The following PDS5B variants were observed in gnomAD, a reference collection of about 807,000 sequenced individuals.
PDS5B encodes PDS5 cohesin associated factor B.
Under a neutral mutation model 184.1 loss-of-function variants are expected in PDS5B, and 51 were observed. That is an observed-to-expected ratio of 0.28 (90% CI 0.22 to 0.35). The LOEUF (loss-of-function observed/expected upper bound fraction) is 0.35, where lower values mean the gene tolerates loss of function less well. PDS5B is among the 10% of genes least tolerant of loss of function. PDS5B has a pLI of 1.00. For synonymous variants in PDS5B, 566 were observed against 569.2 expected, an observed-to-expected ratio of 0.99 and a Z score of 0.08; for missense variants, 1,180 against 1,723.3, an observed-to-expected ratio of 0.68 and a Z score of 5.58.
chr13:32,772,955 A>G (rs528803274), intron 33 of PDS5B, among the ~76,000 whole-genome samples: 11 of 152,288 alleles, frequency 7.2e-5, no homozygotes, highest in African/African-American at 2.6e-4. Context: ...AGCAGACTTT[A>G]GGTTATGGTA....
chr13:32,708,162 C>G (rs1219527755), intron 18 of PDS5B, among the ~76,000 whole-genome samples: 2 of 152,166 alleles, frequency 1.3e-5, no homozygotes, highest in Admixed American at 1.3e-4. Flanking sequence ...ACTCTCTGCA[C>G]CCTACCTATG....
rs888602875 is a variant in PDS5B at position 32,720,638 on chromosome 13, T to A, written c.2123+10532T>A. The stretch of plus-strand genomic sequence containing the variant: ...TTATTTATTTATTTATTTTATTATT[T>A]TTTTTTAAAATTTTTTTAGTATTTA... On this transcript the variant is annotated intron_variant, in intron 19 of 34. Transcript: ENST00000315596. 1.3e-5 allele frequency among the ~76,000 whole-genome samples: 2 copies of A among 151,638 alleles called. 1 individual carries two copies. Among genetic ancestry groups the A allele is most frequent in the Non-Finnish European group, 2.9e-5 (2 of 67,914 alleles).
intron 1 of PDS5B, among the ~76,000 whole-genome samples, chr13:32,627,538 AAT>A (rs1362554451): frequency 2.0e-5 from 3 of 152,202 alleles, no homozygotes; most frequent in Non-Finnish European, 4.4e-5. Flanking sequence ...GTTGAAAAGA[AAT>A]ATCTTTTTTC....
At chr13:32,697,629 C>A (rs1951743197) in intron 15 of PDS5B, among the ~76,000 whole-genome samples, 1 of 152,150 alleles carries the variant, frequency 6.6e-6, no homozygotes, top group African/African-American at 2.4e-5. Context: ...CCAAAATGTT[C>A]TTCTGTCCTG....
intron 1 of PDS5B, among the ~76,000 whole-genome samples, chr13:32,618,031 T>C (rs1469714762): frequency 6.6e-6 from 1 of 152,146 alleles, no homozygotes; most frequent in Non-Finnish European, 1.5e-5. Flanking sequence ...AATGATGCTG[T>C]GTTCTCATAT....
Position 32,776,196 on chromosome 13 carries a change from C to G in PDS5B, c.*1144C>G, listed in dbSNP as rs889019180. The G allele has an allele frequency of 6.5e-6, 1 of 152,838 alleles. No individual in the cohort carries two copies. The highest frequency in any genetic ancestry group is 6.5e-5 in the Admixed American group (1 of 15,286). 9.5% of individuals were successfully genotyped at this position (152,838 alleles called of 1,614,324 possible). ...TGTTTTCTGTAAATTCATATTTAGCCATAGTATATGATAGATTGCCCCATA... is the reference window on the plus strand; with the variant it reads ...TGTTTTCTGTAAATTCATATTTAGCGATAGTATATGATAGATTGCCCCATA... On this transcript the variant is annotated 3_prime_UTR_variant, in exon 35 of 35. Coordinates refer to ENST00000315596, the MANE Select transcript of PDS5B (RefSeq NM_015032.4).
chr13:32,734,017 CAT>C (rs1953225645), intron 20 of PDS5B, among the ~76,000 whole-genome samples: 2 of 151,126 alleles, frequency 1.3e-5, no homozygotes, highest in African/African-American at 4.8e-5. Context: ...CACACACAAA[CAT>C]ATATTTTGTT....
chr13:32,728,569 TA>T (rs1162635199), intron 19 of PDS5B, among the ~76,000 whole-genome samples: 1 of 152,210 alleles, frequency 6.6e-6, no homozygotes, highest in Non-Finnish European at 1.5e-5. Context: ...TATTGTGCTC[TA>T]GAAATCAGAG....
chr13:32,672,548 C>G lies in PDS5B; in HGVS notation c.706-668C>G, dbSNP rs554325727. Among the ~76,000 whole-genome samples the G allele has an allele frequency of 2.0e-5, 3 of 152,216 alleles. No individual in the cohort carries two copies. The South Asian group carries it at 6.2e-4, about 32-fold the overall frequency. Reference sequence around the variant, plus strand: ...GTAGGCTGTCTGCAAGCTGGAGAACCAGGGAAGCCAATGGTGTTACTCTCA... The same window carrying G: ...GTAGGCTGTCTGCAAGCTGGAGAACGAGGGAAGCCAATGGTGTTACTCTCA... On this transcript the variant is annotated intron_variant, in intron 7 of 34. Coordinates refer to ENST00000315596, the MANE Select transcript of PDS5B (RefSeq NM_015032.4).
At chr13:32,602,887 G>A (rs1014667685) in intron 1 of PDS5B, among the ~76,000 whole-genome samples, 1 of 152,192 alleles carries the variant, frequency 6.6e-6, no homozygotes, top group Non-Finnish European at 1.5e-5. Context: ...CTGCATAAAT[G>A]TCTTCTTTTG....
chr13:32,586,711 C>T (rs2057681475), intron 1 of PDS5B, 118 bp downstream of exon 1: 1 of 149,806 alleles, frequency 6.7e-6, no homozygotes, highest in East Asian at 2.0e-4. Flanking sequence ...TGAAGCGCCG[C>T]CCGCCTGGGT....
intron 19 of PDS5B, among the ~76,000 whole-genome samples, chr13:32,718,351 T>C (rs961376190): frequency 6.6e-6 from 1 of 152,086 alleles, no homozygotes; most frequent in Non-Finnish European, 1.5e-5. Flanking sequence ...GGGGTTTCGC[T>C]GTGTTAGCCA....
intron 19 of PDS5B, among the ~76,000 whole-genome samples, chr13:32,729,100 C>T (rs921384634): frequency 6.6e-6 from 1 of 152,038 alleles, no homozygotes; most frequent in Non-Finnish European, 1.5e-5. Context: ...TCCCCTTGCC[C>T]CCCACCCCAC....
intron 18 of PDS5B, 98 bp downstream of exon 18, chr13:32,707,137 A>C: frequency 3.3e-6 from 2 of 604,532 alleles, no homozygotes; most frequent in Non-Finnish European, 5.4e-6. Context: ...AAGTTTGTAT[A>C]ATCCAAAGTA....
chr13:32,760,246 C>T (rs943858520), intron 29 of PDS5B, among the ~76,000 whole-genome samples: 2 of 152,116 alleles, frequency 1.3e-5, no homozygotes, highest in Non-Finnish European at 2.9e-5. Flanking sequence ...TGAGCCACTG[C>T]ACCCGGCCAA....
intron 34 of PDS5B, 107 bp downstream of exon 34, chr13:32,773,431 A>C (rs893070991): frequency 2.1e-6 from 2 of 951,442 alleles, no homozygotes; most frequent in Non-Finnish European, 3.1e-6. Flanking sequence ...TTACTTCATT[A>C]GTTCATAGCA....
At chr13:32,620,126 T>C (rs908085331) in intron 1 of PDS5B, among the ~76,000 whole-genome samples, 48 of 152,132 alleles carry the variant, frequency 3.2e-4, no homozygotes, top group African/African-American at 9.4e-4. Flanking sequence ...ATGTATCTTA[T>C]AATAAACTTT....
At chr13:32,621,938 A>G (rs1018307986) in intron 1 of PDS5B, among the ~76,000 whole-genome samples, 3 of 152,004 alleles carry the variant, frequency 2.0e-5, no homozygotes, top group African/African-American at 4.8e-5. Context: ...GGTTTGAACT[A>G]TTCTTTATCT....
chr13:32,711,214 A>G (rs1016793215), intron 19 of PDS5B, among the ~76,000 whole-genome samples: 6 of 152,038 alleles, frequency 3.9e-5, no homozygotes, highest in African/African-American at 1.4e-4. Flanking sequence ...TGAACTCCTG[A>G]CCTCAGGTGA....
Sources: gnomAD v4.1 joint callset for allele counts (sites outside exome capture counted in the v4.1 genomes callset) on GRCh38, gnomAD v4.1.1 for gene constraint, MANE v1.5 for transcripts, NCBI Gene and HGNC (gene_info 2026-07-23, HGNC 2026-07-21) for gene names.